The following KCNH7 variants were observed in gnomAD, a reference collection of about 807,000 sequenced individuals.
The protein encoded by KCNH7 is potassium voltage-gated channel subfamily H member 7, also known as voltage-gated inwardly rectifying potassium channel KCNH7.
KCNH7 carries 49 observed loss-of-function variants against 120.8 expected under a neutral mutation model. The ratio of observed to expected loss-of-function variants is 0.41; its 90% CI spans 0.32 to 0.51. KCNH7 has a LOEUF of 0.51. Among genes scored for constraint, KCNH7 ranks in the 20% least tolerant of loss-of-function variants. The pLI is 0.38. For synonymous variants in KCNH7, 547 were observed against 516.1 expected, an observed-to-expected ratio of 1.06 and a Z score of -0.81; for missense variants, 1,097 against 1,446.6, an observed-to-expected ratio of 0.76 and a Z score of 3.92.
chr2:162,784,262 T>C (rs1683619298), intron 2 of KCNH7, among the ~76,000 whole-genome samples: 1 of 152,190 alleles, frequency 6.6e-6, no homozygotes, highest in South Asian at 2.1e-4. Flanking sequence ...CACATTGTTT[T>C]ATTTAATCTT....
At chr2:162,663,110 T>A (rs1300700905) in intron 2 of KCNH7, among the ~76,000 whole-genome samples, 1 of 152,180 alleles carries the variant, frequency 6.6e-6, no homozygotes, top group Admixed American at 6.5e-5. Context: ...GTAAACCTAG[T>A]TGTTATTAAG....
At chr2:162,449,067 A>C (rs1334731306) in intron 6 of KCNH7, among the ~76,000 whole-genome samples, 1 of 151,968 alleles carries the variant, frequency 6.6e-6, no homozygotes. Context: ...AGAATGAACA[A>C]GGGTAAGAAA....
intron 2 of KCNH7, among the ~76,000 whole-genome samples, chr2:162,736,541 T>C (rs1687917251): frequency 1.3e-5 from 2 of 152,196 alleles, no homozygotes; most frequent in African/African-American, 2.4e-5. Context: ...ATGTTGCTGA[T>C]TGGAAATTAC....
intron 2 of KCNH7, among the ~76,000 whole-genome samples, chr2:162,599,705 C>T (rs1694491307): frequency 6.6e-6 from 1 of 151,344 alleles, no homozygotes; most frequent in South Asian, 2.1e-4. Context: ...GGAAATATTA[C>T]TTAATGATTA....
intron 6 of KCNH7, among the ~76,000 whole-genome samples, chr2:162,495,229 A>G (rs1308713089): frequency 6.6e-6 from 1 of 152,174 alleles, no homozygotes; most frequent in Non-Finnish European, 1.5e-5. Context: ...GGAATCAAGC[A>G]TGACCTGCAG....
chr2:162,571,467 T>A (rs1470000328), intron 2 of KCNH7, among the ~76,000 whole-genome samples: 1 of 145,006 alleles, frequency 6.9e-6, no homozygotes, highest in Non-Finnish European at 1.5e-5. Flanking sequence ...ATGGCCATAC[T>A]GCCCAAGGTA....
At chr2:162,831,786 G>A (rs956196020) in intron 2 of KCNH7, among the ~76,000 whole-genome samples, 1 of 152,080 alleles carries the variant, frequency 6.6e-6, no homozygotes, top group Non-Finnish European at 1.5e-5. Flanking sequence ...AAGCACCTTG[G>A]GTGTGAAAAT....
Position 162,561,012 on chromosome 2 carries a change from GT to G in KCNH7, c.308-23933del, listed in dbSNP as rs1693043777. Among the ~76,000 whole-genome samples the G allele has an allele frequency of 4.6e-5, 7 of 151,676 alleles. No individual in the cohort carries two copies. The South Asian group carries it at 1.5e-3, about 32-fold the overall frequency. The stretch of plus-strand genomic sequence containing the variant: ...ATTATTCTTATATGGAACTATAGTA[GT>G]TAGACAGCTTCATATTGAAAATACA... On this transcript the variant is annotated intron_variant, in intron 2 of 15. Coordinates refer to ENST00000332142, the MANE Select transcript of KCNH7 (RefSeq NM_033272.4).
chr2:162,409,787 A>G (rs758545676), intron 9 of KCNH7, among the ~76,000 whole-genome samples: 2 of 151,992 alleles, frequency 1.3e-5, no homozygotes, highest in African/African-American at 4.8e-5. Context: ...TACACCGATA[A>G]CACCCAAGTT....
chr2:162,470,675 C>T (rs1388205475), intron 6 of KCNH7, among the ~76,000 whole-genome samples: 4 of 151,668 alleles, frequency 2.6e-5, no homozygotes, highest in Non-Finnish European at 4.4e-5. Flanking sequence ...GTGAGGGGCG[C>T]CTCTGCCCAG....
chr2:162,485,371 C>T (rs1690059772), intron 6 of KCNH7, among the ~76,000 whole-genome samples: 1 of 152,108 alleles, frequency 6.6e-6, no homozygotes, highest in South Asian at 2.1e-4. Context: ...TTTTAATACT[C>T]ATTAGGTTTA....
chr2:162,435,396 C>T lies in KCNH7; in HGVS notation c.1756G>A (p.Gly586Arg), dbSNP rs765007494. The T allele has an allele frequency of 1.2e-6, 2 of 1,613,756 alleles. No homozygotes were observed. Residue 586 changes from glycine to arginine, a missense_variant, in exon 8 of 16, where the codon GGA becomes AGA. Physicochemically the swap from Gly to Arg is moderately radical, Grantham distance 125 (BLOSUM62 -2). This residue lies in a region of KCNH7 where 36 missense variants were observed against 46.8 expected (regional missense o/e 0.77). Coordinates refer to ENST00000332142, the MANE Select transcript of KCNH7 (RefSeq NM_033272.4). Reference sequence around the variant, plus strand: ...TGCTGTCCTAAGGAATCCAACCATCCGATTTTGTCAGTCAGGTAAGGCCTT... The same window carrying T: ...TGCTGTCCTAAGGAATCCAACCATCTGATTTTGTCAGTCAGGTAAGGCCTT... ...VERPYLTDKI[G>R]WLDSLGQQIG...
intron 2 of KCNH7, among the ~76,000 whole-genome samples, chr2:162,806,246 T>C (rs1684536352): frequency 6.6e-6 from 1 of 152,148 alleles, no homozygotes; most frequent in African/African-American, 2.4e-5. Context: ...TTTTAAAAAT[T>C]GAAAAATAAA....
intron 2 of KCNH7, among the ~76,000 whole-genome samples, chr2:162,667,619 T>C (rs1413621394): frequency 6.6e-6 from 1 of 152,224 alleles, no homozygotes. Context: ...TGGAATACCC[T>C]TCCCCTTTGA....
At position 162,538,822 on chromosome 2, in the gene KCNH7, G is replaced by A. The variant is rs930690791; in HGVS notation, c.308-1742C>T. Among the ~76,000 whole-genome samples the A allele has an allele frequency of 3.3e-5, 5 of 152,184 alleles. No homozygotes were observed. The South Asian group carries it at 8.3e-4, about 25-fold the overall frequency. On this transcript the variant is annotated intron_variant, in intron 2 of 15. Coordinates refer to ENST00000332142, the MANE Select transcript of KCNH7 (RefSeq NM_033272.4). ...AATATGTTCTAATTTCCAAGGAATT[G>A]ATCGACAGATATACTTTTAGAAAGA...
At chr2:162,623,446 G>T (rs1199685946) in intron 2 of KCNH7, among the ~76,000 whole-genome samples, 6 of 152,090 alleles carry the variant, frequency 3.9e-5, no homozygotes, top group African/African-American at 1.2e-4. Flanking sequence ...TCTTATAAAA[G>T]AATTTTATAA....
At chr2:162,606,872 C>T (rs1363155675) in intron 2 of KCNH7, among the ~76,000 whole-genome samples, 1 of 152,048 alleles carries the variant, frequency 6.6e-6, no homozygotes, top group Non-Finnish European at 1.5e-5. Flanking sequence ...CATCAAAATG[C>T]TATCTTTATT....
rs563604781 is a variant in KCNH7 at position 162,703,068 on chromosome 2, G to A, written c.307+133469C>T. ...GGATTATCACCAGGGTTGAATAAAC[G>A]ATTTATTTTTAATGCTGAATGTGAT... On this transcript the variant is annotated intron_variant, in intron 2 of 15. Coordinates refer to ENST00000332142, the MANE Select transcript of KCNH7 (RefSeq NM_033272.4). Among the ~76,000 whole-genome samples, 11 of 152,178 alleles carry A rather than the reference G, an allele frequency of 7.2e-5. No homozygotes were observed. In the South Asian group the frequency reaches 2.1e-3, roughly 29 times the overall value.
intron 2 of KCNH7, among the ~76,000 whole-genome samples, chr2:162,571,981 C>T (rs556432302): frequency 6.6e-6 from 1 of 151,226 alleles, no homozygotes; most frequent in South Asian, 2.1e-4. Context: ...AGGACATACG[C>T]ATGGGCAAGG....
Sources: allele counts gnomAD v4.1 joint callset (sites outside exome capture counted in the v4.1 genomes callset), GRCh38; gene constraint gnomAD v4.1.1; regional missense constraint gnomAD v4.1.1; transcripts MANE v1.5; gene names NCBI Gene and HGNC (gene_info 2026-07-23, HGNC 2026-07-21).